Variants in SYNE1 observed in about 807,000 individuals in gnomAD.
SYNE1 encodes the protein nesprin-1.
SYNE1 carries 616 observed loss-of-function variants against 1,111.0 expected under a neutral mutation model. That is an observed-to-expected ratio of 0.55 (90% CI 0.52 to 0.59). The LOEUF (loss-of-function observed/expected upper bound fraction) is 0.59. Among genes scored for constraint, SYNE1 ranks in the 20% least tolerant of loss-of-function variants. The probability of loss-of-function intolerance (pLI) is 0.00; values close to 1 mark genes in which losing one functional copy is unlikely to be tolerated. For synonymous variants in SYNE1, 3,855 were observed against 3,825.8 expected (o/e 1.01, Z -0.28); for missense variants, 10,006 against 10,417.0 (o/e 0.96, Z 1.72).
In SYNE1 at chr6:152,330,066, A is replaced by G. The variant is rs1355049690; in HGVS notation, c.14619T>C (p.Gly4873=). 5.0e-6 allele frequency: 8 copies of G among 1,613,970 alleles called. No individual in the cohort carries two copies. The highest frequency in any genetic ancestry group is 6.8e-6 in the Non-Finnish European group (8 of 1,179,992). Residue 4873 remains glycine, a synonymous_variant, in exon 78 of 146, where the codon GGT becomes GGC. Coordinates refer to ENST00000367255, the MANE Select transcript of SYNE1 (RefSeq NM_182961.4). ...GGCTCTCACATTCTGTCACCGTCTC[A>G]CCAATGGCAGAAGTCAACAGTTTTA... The part of the protein sequence containing the change: ...GELKLLTSAI[G]ETVTECESRM...
chr6:152,632,765 T>C (rs1455279877), intron 2 of SYNE1, among the ~76,000 whole-genome samples: 1 of 152,242 alleles, frequency 6.6e-6, no homozygotes. Flanking sequence ...CAAATTAGGT[T>C]TAATTTTATC....
At chr6:152,312,619 A>C (rs2095589111) in intron 87 of SYNE1, among the ~76,000 whole-genome samples, 1 of 148,262 alleles carries the variant, frequency 6.7e-6, no homozygotes, top group Admixed American at 6.8e-5. Context: ...ATATTTATTA[A>C]TAATTTAATT....
chr6:152,350,896 T>C lies in SYNE1; in HGVS notation c.11581-126A>G, dbSNP rs9478322. The C allele has an allele frequency of 0.59, 693,702 of 1,166,010 alleles. 206,997 individuals are homozygous for C. The highest frequency in any genetic ancestry group is 0.64 in the East Asian group (27,186 of 42,670). 72.2% of individuals were successfully genotyped at this position (1,166,010 alleles called of 1,614,324 possible). The stretch of plus-strand genomic sequence containing the variant: ...AAGATTGTTCATATTTATGAAGCAA[T>C]AGGTGCAAGACATTAAAGAGAGAGT... On this transcript the variant is annotated intron_variant, in intron 70 of 145. Coordinates refer to ENST00000367255, the MANE Select transcript of SYNE1 (RefSeq NM_182961.4).
rs112364144 is a variant in SYNE1, at chr6:152,296,316, C to T, written c.17683-2189G>A. ...TTTTATAGTTTGTTTTCCACTCACT[C>T]GCCAATATTGGTGAATTGATAAGCT... On this transcript the variant is annotated intron_variant, in intron 93 of 145. Coordinates refer to ENST00000367255, the MANE Select transcript of SYNE1 (RefSeq NM_182961.4). Among the ~76,000 whole-genome samples, 663 of 152,312 alleles carry T rather than the reference C, an allele frequency of 4.4e-3. 4 individuals are homozygous for T. Among genetic ancestry groups the T allele is most frequent in the African/African-American group, 0.015 (632 of 41,566 alleles).
chr6:152,172,424 G>C (rs776533633), intron 130 of SYNE1, among the ~76,000 whole-genome samples: 1 of 152,054 alleles, frequency 6.6e-6, no homozygotes, highest in Non-Finnish European at 1.5e-5. Context: ...TTGGTGATGG[G>C]GATTTAGGTT....
At chr6:152,415,808 AAAAAAAAG>A (rs1180522627) in intron 41 of SYNE1, among the ~76,000 whole-genome samples, 3 of 148,924 alleles carry the variant, frequency 2.0e-5, no homozygotes, top group African/African-American at 7.3e-5. Flanking sequence ...AAAAAAAAAA[AAAAAAAAG>A]AAGAGGAAGA....
Position 152,211,919 on chromosome 6 carries a change from A to G in SYNE1, c.22495-331T>C, listed in dbSNP as rs2077593121. Among the ~76,000 whole-genome samples, 3 of 152,162 alleles carry G rather than the reference A, an allele frequency of 2.0e-5. No homozygotes were observed. In the South Asian group the frequency reaches 6.2e-4, roughly 31 times the overall value. On this transcript the variant is annotated intron_variant, in intron 123 of 145. Coordinates refer to ENST00000367255, the MANE Select transcript of SYNE1 (RefSeq NM_182961.4). ...TTATTTTGTATATAAAATATGGTCCATATTCAAAACTTAGAGAATAGCTTA... is the reference window on the plus strand; with the variant it reads ...TTATTTTGTATATAAAATATGGTCCGTATTCAAAACTTAGAGAATAGCTTA...
intron 41 of SYNE1, among the ~76,000 whole-genome samples, chr6:152,414,258 A>AT (rs2154178360): frequency 6.6e-6 from 1 of 152,136 alleles, no homozygotes; most frequent in East Asian, 1.9e-4. Context: ...TAAAAAAAAA[A>AT]TTTAGCTGGC....
intron 72 of SYNE1, 64 bp from the exon 73 acceptor site, chr6:152,347,299 G>T: frequency 1.3e-6 from 2 of 1,556,198 alleles, no homozygotes; most frequent in Non-Finnish European, 8.8e-7. Flanking sequence ...ATCCATCAAA[G>T]TTTAAGATAG....
At chr6:152,254,460 A>C (rs905012906) in intron 104 of SYNE1, among the ~76,000 whole-genome samples, 2 of 151,874 alleles carry the variant, frequency 1.3e-5, no homozygotes, top group Non-Finnish European at 1.5e-5. Flanking sequence ...ATGTTGGCCA[A>C]GCTGGTCTCA....
In SYNE1 at chr6:152,471,590, G is replaced by A. The variant is rs779081729; in HGVS notation, c.1632+7C>T. On this transcript the variant is annotated splice_region_variant and intron_variant, in intron 16 of 145. Coordinates refer to ENST00000367255, the MANE Select transcript of SYNE1 (RefSeq NM_182961.4). ...AGGAATTCTCTGTCAAAGCACGGGG[G>A]ACTCACCACGTAGTTTTGTAGAAGC... 6.2e-7 allele frequency: 1 copy of A among 1,613,462 alleles called. No homozygotes were observed. The highest frequency in any genetic ancestry group is 8.5e-7 in the Non-Finnish European group (1 of 1,179,508).
chr6:152,171,268 C>T (rs58361810), intron 130 of SYNE1, among the ~76,000 whole-genome samples: 3,228 of 152,290 alleles, frequency 0.021, 115 homozygotes, highest in East Asian at 0.14. Flanking sequence ...AGCAGAATCA[C>T]GCTATGACTC....
chr6:152,506,120 A>C (rs2099056964), intron 8 of SYNE1, among the ~76,000 whole-genome samples: 1 of 152,224 alleles, frequency 6.6e-6, no homozygotes, highest in African/African-American at 2.4e-5. Flanking sequence ...GATTTGATTA[A>C]CTCAAAGCCA....
chr6:152,287,915 T>C (rs2094417439), intron 95 of SYNE1, among the ~76,000 whole-genome samples: 2 of 152,230 alleles, frequency 1.3e-5, no homozygotes, highest in Admixed American at 1.3e-4. Context: ...AAAACGTGAT[T>C]GCAATGAATT....
At chr6:152,216,102 C>T (rs537016255) in intron 121 of SYNE1, among the ~76,000 whole-genome samples, 1 of 152,282 alleles carries the variant, frequency 6.6e-6, no homozygotes, top group African/African-American at 2.4e-5. Flanking sequence ...TGTCAGGCCA[C>T]CTTTGGCTAT....
At chr6:152,494,307 T>C (rs1306575961) in intron 11 of SYNE1, among the ~76,000 whole-genome samples, 1 of 152,180 alleles carries the variant, frequency 6.6e-6, no homozygotes, top group Non-Finnish European at 1.5e-5. Context: ...ATTACCATTG[T>C]TCCTGGCCTG....
Position 152,236,251 on chromosome 6 carries a change from T to C in SYNE1, c.20252A>G (p.Asp6751Gly). The C allele has an allele frequency of 6.2e-7, 1 of 1,614,146 alleles. No homozygotes were observed. Among genetic ancestry groups the C allele is most frequent in the Non-Finnish European group, 8.5e-7 (1 of 1,179,992 alleles). ...GGATATCAGAAGTCGTTTCCCATCATCTAATACTTGATATAATTTGGGCTG... is the reference window on the plus strand; with the variant it reads ...GGATATCAGAAGTCGTTTCCCATCACCTAATACTTGATATAATTTGGGCTG... ...EYQPKLYQVL[D>G]DGKRLLISIS... Residue 6751 changes from aspartate (D) to glycine (G), a missense_variant, in exon 110 of 146, where the codon GAT (aspartate) becomes GGT (glycine). Transcript: ENST00000367255.
At chr6:152,387,869 T>A (rs2097547887) in intron 53 of SYNE1, among the ~76,000 whole-genome samples, 1 of 151,996 alleles carries the variant, frequency 6.6e-6, no homozygotes, top group Non-Finnish European at 1.5e-5. Context: ...GATTTTCATT[T>A]GGGGACACAC....
Position 152,425,564 on chromosome 6 carries a change from A to AT in SYNE1, c.5101-18dup, listed in dbSNP as rs760488570. 4 of 1,614,074 alleles carry AT rather than the reference A, an allele frequency of 2.5e-6. No individual in the cohort carries two copies. The highest frequency in any genetic ancestry group is 2.5e-6 in the Non-Finnish European group (3 of 1,179,988). ...TTGCAGTGCCTGAAAAATACAAGAC[A>AT]TTACGGATCTCATCCTAACAGGACT... On this transcript the variant is annotated splice_polypyrimidine_tract_variant and intron_variant, in intron 38 of 145. Coordinates refer to ENST00000367255, the MANE Select transcript of SYNE1 (RefSeq NM_182961.4).
Sources: gnomAD v4.1 joint callset for allele counts (sites outside exome capture counted in the v4.1 genomes callset) on GRCh38, gnomAD v4.1.1 for gene constraint, MANE v1.5 for transcripts, NCBI Gene and HGNC (gene_info 2026-07-23, HGNC 2026-07-21) for gene names.